The following HS3ST3A1 variants were observed in gnomAD, a reference collection of about 807,000 sequenced individuals.
HS3ST3A1 encodes heparan sulfate glucosamine 3-O-sulfotransferase 3A1.
In HS3ST3A1, 19 loss-of-function variants were observed where a neutral mutation model predicts 25.7. That is an observed-to-expected ratio of 0.74 (90% CI 0.52 to 1.08). HS3ST3A1 has a LOEUF of 1.08. HS3ST3A1 is among the 50% of genes least tolerant of loss of function. The pLI, the probability that HS3ST3A1 is intolerant of heterozygous loss-of-function variation, is 0.00. For synonymous variants in HS3ST3A1, 226 were observed against 278.6 expected (o/e 0.81, Z 1.88); for missense variants, 459 against 594.3 (o/e 0.77, Z 2.37).
At chr17:13,506,097 A>G (rs1426031980) in intron 1 of HS3ST3A1, among the ~76,000 whole-genome samples, 7 of 136,404 alleles carry the variant, frequency 5.1e-5, no homozygotes, top group Non-Finnish European at 7.8e-5. Context: ...TTTTTTTTTT[A>G]AAGTTAGGGT....
intron 1 of HS3ST3A1, among the ~76,000 whole-genome samples, chr17:13,560,183 G>A (rs867285679): frequency 2.5e-4 from 37 of 149,116 alleles, no homozygotes; most frequent in Middle Eastern, 7.0e-3. Context: ...CCAGCTACTC[G>A]CGAGGCTGAG....
intron 1 of HS3ST3A1, among the ~76,000 whole-genome samples, chr17:13,549,259 CACCA>C (rs1288575733): frequency 6.6e-6 from 1 of 152,122 alleles, no homozygotes; most frequent in Non-Finnish European, 1.5e-5. Flanking sequence ...TCAGCAAGAC[CACCA>C]ACCCACTGGA....
At chr17:13,574,087 T>C (rs1297603782) in intron 1 of HS3ST3A1, among the ~76,000 whole-genome samples, 1 of 151,922 alleles carries the variant, frequency 6.6e-6, no homozygotes, top group African/African-American at 2.4e-5. Flanking sequence ...CAGTACTCTC[T>C]ATCCTTGTGC....
intron 1 of HS3ST3A1, among the ~76,000 whole-genome samples, chr17:13,526,816 ATTT>A (rs571564803): frequency 1.3e-5 from 2 of 149,752 alleles, no homozygotes; most frequent in East Asian, 3.9e-4. Context: ...CCCAGCTAAT[ATTT>A]TTTTTTGTAT....
At chr17:13,505,039 T>C (rs541214325) in intron 1 of HS3ST3A1, among the ~76,000 whole-genome samples, 20 of 152,298 alleles carry the variant, frequency 1.3e-4, no homozygotes, top group African/African-American at 4.6e-4. Context: ...AGGTAGGTAA[T>C]TACATTCCCT....
chr17:13,598,581 G>A (rs9890224), intron 1 of HS3ST3A1, among the ~76,000 whole-genome samples: 2,010 of 152,226 alleles, frequency 0.013, 46 homozygotes, highest in African/African-American at 0.044. Flanking sequence ...CTCTTCTGCT[G>A]CAGTAAACAA....
rs1361963157 is a variant in HS3ST3A1 at position 13,600,632 on chromosome 17, C to T, written c.498G>A (p.Arg166=). The T allele has an allele frequency of 5.6e-6, 9 of 1,595,686 alleles. No individual in the cohort carries two copies. The highest frequency in any genetic ancestry group is 7.7e-6 in the Non-Finnish European group (9 of 1,176,448). ...GCACGCGCAGGAACTCCAGCAGCGC[C>T]CGCGTGCCGCCCTTCTTCACTCCGA... The part of the protein sequence containing the change: ...IIIGVKKGGT[R]ALLEFLRVHP... The change falls in exon 1 of 2, where the codon CGG becomes CGA. Residue 166 remains arginine (R), a synonymous_variant. Transcript: ENST00000284110.
chr17:13,579,943 T>TAAA (rs66568347), intron 1 of HS3ST3A1, among the ~76,000 whole-genome samples: 2 of 81,946 alleles, frequency 2.4e-5, no homozygotes, highest in African/African-American at 1.0e-4. Flanking sequence ...TGACTCTGTC[T>TAAA]AAAAAAAAAA....
Position 13,526,474 on chromosome 17 carries a change from T to TATATATATATATA in HS3ST3A1, c.600-29657_600-29656insTATATATATATAT, listed in dbSNP as rs1906425775. Among the ~76,000 whole-genome samples, 41 of 76,292 alleles carry TATATATATATATA rather than the reference T, an allele frequency of 5.4e-4. 1 individual carries two copies. Among genetic ancestry groups the TATATATATATATA allele is most frequent in the Admixed American group, 9.4e-4 (6 of 6,362 alleles). 50.1% of individuals were successfully genotyped at this position (76,292 alleles called of 152,430 possible). A position where few individuals can be genotyped will look rare whatever the true frequency, so the allele number is the denominator to read the frequency against. On this transcript the variant is annotated intron_variant, in intron 1 of 1. Transcript: ENST00000284110. ...TTGAACTTGGATACAACTTTAATTT[T>TATATATATATATA]TATATATATATATATATATATATAT...
chr17:13,527,037 A>G (rs2142326661), intron 1 of HS3ST3A1, among the ~76,000 whole-genome samples: 1 of 152,210 alleles, frequency 6.6e-6, no homozygotes, highest in South Asian at 2.1e-4. Context: ...CCATTTCCAG[A>G]GACTTCCTGC....
intron 1 of HS3ST3A1, among the ~76,000 whole-genome samples, chr17:13,558,955 G>C (rs1000429426): frequency 6.6e-6 from 1 of 152,192 alleles, no homozygotes; most frequent in Non-Finnish European, 1.5e-5. Context: ...GAATAATACT[G>C]CTCTGTGCTC....
chr17:13,519,223 G>C (rs764918689), intron 1 of HS3ST3A1, among the ~76,000 whole-genome samples: 5 of 152,184 alleles, frequency 3.3e-5, no homozygotes, highest in African/African-American at 1.2e-4. Context: ...TAAGAAAATA[G>C]GTCTTGATCC....
intron 1 of HS3ST3A1, among the ~76,000 whole-genome samples, chr17:13,516,138 G>C (rs8069715): frequency 0.17 from 25,939 of 151,810 alleles, 2,281 homozygotes; most frequent in African/African-American, 0.22. Context: ...GAGAAAGCCC[G>C]TTGCTACTAA....
intron 1 of HS3ST3A1, among the ~76,000 whole-genome samples, chr17:13,583,242 G>T (rs942196171): frequency 6.6e-6 from 1 of 151,978 alleles, no homozygotes; most frequent in Non-Finnish European, 1.5e-5. Context: ...CTTCATGTTG[G>T]CCTCTTTGCC....
At chr17:13,525,396 A>G (rs1218100483) in intron 1 of HS3ST3A1, among the ~76,000 whole-genome samples, 1 of 133,026 alleles carries the variant, frequency 7.5e-6, no homozygotes, top group Non-Finnish European at 1.6e-5. Context: ...TAATGCCAGC[A>G]TTATTTTTTT....
chr17:13,598,658 T>C (rs1389611766), intron 1 of HS3ST3A1, among the ~76,000 whole-genome samples: 2 of 152,042 alleles, frequency 1.3e-5, no homozygotes, highest in Admixed American at 6.5e-5. Context: ...TACAAGTTTA[T>C]GACTCTTTTT....
At chr17:13,526,844 A>G (rs1906447516) in intron 1 of HS3ST3A1, among the ~76,000 whole-genome samples, 1 of 151,540 alleles carries the variant, frequency 6.6e-6, no homozygotes, top group Admixed American at 6.6e-5. Context: ...AGTAGAGACG[A>G]GTTTCTCCAT....
chr17:13,587,661 A>G (rs573337396), intron 1 of HS3ST3A1, among the ~76,000 whole-genome samples: 13 of 152,264 alleles, frequency 8.5e-5, no homozygotes, highest in Middle Eastern at 6.8e-3. Flanking sequence ...AAGAGAGAGC[A>G]GGGGATGATT....
chr17:13,537,210 G>A (rs911476238), intron 1 of HS3ST3A1, among the ~76,000 whole-genome samples: 2 of 152,194 alleles, frequency 1.3e-5, no homozygotes, highest in Non-Finnish European at 2.9e-5. Context: ...TTTATTAAGA[G>A]AATGAGCTAA....
Sources: allele counts gnomAD v4.1 joint callset (sites outside exome capture counted in the v4.1 genomes callset), GRCh38; gene constraint gnomAD v4.1.1; transcripts MANE v1.5; gene names NCBI Gene and HGNC (gene_info 2026-07-23, HGNC 2026-07-21).